The following WWOX variants were observed in gnomAD, a reference collection of about 807,000 sequenced individuals.
WWOX encodes the protein WW domain containing oxidoreductase, also known as WW domain-containing oxidoreductase.
A neutral mutation model predicts 46.2 loss-of-function variants in WWOX; 69 were observed. The observed-to-expected ratio is 1.49, with a 90% CI of 1.23 to 1.82. The LOEUF is 1.82. WWOX is among the 40% of genes most tolerant of loss of function. The pLI is 0.00. For synonymous variants in WWOX, 359 were observed against 202.6 expected (o/e 1.77, Z -6.56); for missense variants, 919 against 542.6 (o/e 1.69, Z -6.89).
At chr16:78,897,254 A>AAAAAC (rs2044723717) in intron 8 of WWOX, 2 of 146,488 alleles carry the variant, frequency 1.4e-5, no homozygotes, top group South Asian at 4.5e-4. Context: ...AAAAAAAAAA[A>AAAAAC]AAAAAAAAAA....
intron 8 of WWOX, among the ~76,000 whole-genome samples, chr16:78,577,509 A>G (rs927509086): frequency 2.0e-5 from 3 of 152,170 alleles, no homozygotes; most frequent in Admixed American, 6.5e-5. Context: ...AGCCCTGGGT[A>G]TGATGCCCTA....
chr16:79,134,372 C>T (rs2049942061), intron 8 of WWOX, among the ~76,000 whole-genome samples: 1 of 152,036 alleles, frequency 6.6e-6, no homozygotes, highest in African/African-American at 2.4e-5. Flanking sequence ...TGTAAGGTTG[C>T]AACAGGCAGC....
rs566294930 is a variant in WWOX at position 78,572,837 on chromosome 16, G to A, written c.1056+140085G>A. The stretch of plus-strand genomic sequence containing the variant: ...GGTGCCATGGCGAGAGATACACAGG[G>A]GAGGTATTGGAAAGTTCTGTTTCTT... On this transcript the variant is annotated intron_variant, in intron 8 of 8. Coordinates refer to ENST00000566780, the MANE Select transcript of WWOX (RefSeq NM_016373.4). Among the ~76,000 whole-genome samples the A allele has an allele frequency of 5.3e-5, 8 of 152,188 alleles. No homozygotes were observed. In the South Asian group the frequency reaches 1.7e-3, roughly 32 times the overall value.
At chr16:79,110,152 T>C (rs1343576612) in intron 8 of WWOX, among the ~76,000 whole-genome samples, 3 of 152,046 alleles carry the variant, frequency 2.0e-5, no homozygotes, top group Admixed American at 6.6e-5. Flanking sequence ...GTTTGGGGGC[T>C]CTCTTTCAAA....
intron 8 of WWOX, among the ~76,000 whole-genome samples, chr16:79,188,727 G>A (rs2051069029): frequency 6.6e-6 from 1 of 152,218 alleles, no homozygotes; most frequent in Non-Finnish European, 1.5e-5. Context: ...AATCCTGCAA[G>A]CGAATTGCCA....
chr16:78,447,963 C>G (rs932309847), intron 8 of WWOX, among the ~76,000 whole-genome samples: 1 of 152,156 alleles, frequency 6.6e-6, no homozygotes, highest in African/African-American at 2.4e-5. Flanking sequence ...ACCACTACAT[C>G]CAGCTGACTT....
chr16:78,996,078 T>C (rs1431061754), intron 8 of WWOX: 2 of 449,248 alleles, frequency 4.5e-6, no homozygotes, highest in East Asian at 1.6e-4. Flanking sequence ...CAAAAAGTTA[T>C]TTTGGCAAAA....
intron 8 of WWOX, among the ~76,000 whole-genome samples, chr16:79,166,177 A>C (rs374906437): frequency 1.4e-4 from 21 of 152,266 alleles, no homozygotes; most frequent in African/African-American, 5.1e-4. Context: ...GTTTTTAGGA[A>C]AACATGAAAT....
intron 5 of WWOX, among the ~76,000 whole-genome samples, chr16:78,285,256 G>C (rs1294587005): frequency 1.3e-5 from 2 of 151,964 alleles, no homozygotes; most frequent in Non-Finnish European, 2.9e-5. Context: ...AACACAGTGA[G>C]ACCCTGTCTC....
At chr16:79,201,970 G>T (rs1369888121) in intron 8 of WWOX, among the ~76,000 whole-genome samples, 1 of 152,198 alleles carries the variant, frequency 6.6e-6, no homozygotes, top group Non-Finnish European at 1.5e-5. Context: ...AAAGGGAAAT[G>T]CTCTCAGTCT....
chr16:78,233,870 C>T (rs1178138818), intron 5 of WWOX, among the ~76,000 whole-genome samples: 1 of 152,120 alleles, frequency 6.6e-6, no homozygotes, highest in Non-Finnish European at 1.5e-5. Context: ...GCCTCAGTCT[C>T]ACTAAAATAT....
At chr16:78,989,698 C>T (rs958072073) in intron 8 of WWOX, among the ~76,000 whole-genome samples, 4 of 151,576 alleles carry the variant, frequency 2.6e-5, no homozygotes, top group East Asian at 1.9e-4. Flanking sequence ...ATGAGTAAGC[C>T]AGAAGCAGAG....
rs146683152 is a variant in WWOX at position 79,007,179 on chromosome 16, TGAA to T, written c.1057-204424_1057-204422del. 2.3e-3 allele frequency among the ~76,000 whole-genome samples: 344 copies of T among 152,258 alleles called. 2 individuals are homozygous for T. The highest frequency in any genetic ancestry group is 8.0e-3 in the African/African-American group (334 of 41,542). ...ATGTTCCAGTGAGGGTGAAGGGCGT[TGAA>T]GAAGTCAACGAGAAAGTCAAGTTTT... On this transcript the variant is annotated intron_variant, in intron 8 of 8. Coordinates refer to ENST00000566780, the MANE Select transcript of WWOX (RefSeq NM_016373.4).
intron 8 of WWOX, among the ~76,000 whole-genome samples, chr16:78,614,741 T>C (rs2045980731): frequency 6.6e-6 from 1 of 152,226 alleles, no homozygotes; most frequent in South Asian, 2.1e-4. Flanking sequence ...TGACGTGTTT[T>C]ATGTACACTC....
intron 8 of WWOX, among the ~76,000 whole-genome samples, chr16:78,575,078 T>A (rs1398220968): frequency 3.2e-4 from 11 of 34,704 alleles, no homozygotes; most frequent in Admixed American, 1.1e-3. Flanking sequence ...TATATATATA[T>A]ATATATATAT....
intron 8 of WWOX, among the ~76,000 whole-genome samples, chr16:78,874,548 G>T (rs1325682597): frequency 6.6e-6 from 1 of 152,080 alleles, no homozygotes; most frequent in African/African-American, 2.4e-5. Flanking sequence ...AGAACTTGAT[G>T]TTATTCATGG....
intron 8 of WWOX, among the ~76,000 whole-genome samples, chr16:79,019,189 A>AAAGAAAAAG (rs1476236379): frequency 2.7e-5 from 2 of 73,240 alleles, no homozygotes; most frequent in African/African-American, 1.3e-4. Flanking sequence ...AAAAAAAGAA[A>AAAGAAAAAG]AAAAAAAGTT....
chr16:78,540,434 A>G (rs1329465849), intron 8 of WWOX, among the ~76,000 whole-genome samples: 1 of 152,118 alleles, frequency 6.6e-6, no homozygotes, highest in East Asian at 1.9e-4. Context: ...TTGCAAATAT[A>G]CTTGTCTCTT....
chr16:78,415,301 C>A (rs2082773000), intron 6 of WWOX, among the ~76,000 whole-genome samples: 1 of 151,944 alleles, frequency 6.6e-6, no homozygotes, highest in Non-Finnish European at 1.5e-5. Flanking sequence ...CTAATGGATT[C>A]ATATTAGGGT....
Sources: allele counts gnomAD v4.1 joint callset (sites outside exome capture counted in the v4.1 genomes callset), GRCh38; gene constraint gnomAD v4.1.1; transcripts MANE v1.5; gene names NCBI Gene and HGNC (gene_info 2026-07-23, HGNC 2026-07-21).